NCOA7: variants seen among roughly 807,000 people sequenced by gnomAD.
NCOA7 encodes 140 kDa estrogen receptor-associated protein.
In NCOA7, 45 loss-of-function variants were observed where a neutral mutation model predicts 104.3. The observed-to-expected ratio is 0.43, with a 90% CI of 0.34 to 0.55. The LOEUF (loss-of-function observed/expected upper bound fraction) is 0.55, where lower values mean the gene tolerates loss of function less well. NCOA7 is among the 20% of genes least tolerant of loss of function. NCOA7 has a pLI of 0.02. For missense variants in NCOA7, 1,041 were observed against 1,119.7 expected (o/e 0.93, Z 1.00); for synonymous variants, 398 against 402.3 (o/e 0.99, Z 0.13).
At position 125,840,313 on chromosome 6, in the gene NCOA7, CTGAT is replaced by C. The variant is rs367994396; in HGVS notation, c.51-14706_51-14703del. On this transcript the variant is annotated intron_variant, in intron 2 of 15. Transcript: ENST00000392477. ...TAAATATCAAAAAGTTATTTAAAAA[CTGAT>C]AAAGTAAAAAAGTTATAGTAAGCTA... Among the ~76,000 whole-genome samples the C allele has an allele frequency of 2.1e-4, 32 of 152,008 alleles. No homozygotes were observed. The East Asian group carries it at 5.4e-3, about 26-fold the overall frequency.
intron 2 of NCOA7, among the ~76,000 whole-genome samples, chr6:125,820,638 A>G (rs1778094801): frequency 6.6e-6 from 1 of 151,906 alleles, no homozygotes; most frequent in Non-Finnish European, 1.5e-5. Context: ...ACAGTACCTG[A>G]TACAGTGAGT....
At chr6:125,843,227 A>G (rs1007522979) in intron 2 of NCOA7, among the ~76,000 whole-genome samples, 10 of 152,184 alleles carry the variant, frequency 6.6e-5, no homozygotes, top group African/African-American at 1.7e-4. Context: ...CAGAGAAAGC[A>G]GTGTGCCATG....
At chr6:125,832,288 C>A (rs1779255149) in intron 2 of NCOA7, among the ~76,000 whole-genome samples, 1 of 152,136 alleles carries the variant, frequency 6.6e-6, no homozygotes, top group Non-Finnish European at 1.5e-5. Flanking sequence ...TGAGTGATGG[C>A]TATAATAATT....
chr6:125,918,130 C>CT (rs1203422479), intron 11 of NCOA7, among the ~76,000 whole-genome samples: 2 of 152,120 alleles, frequency 1.3e-5, no homozygotes, highest in African/African-American at 2.4e-5. Context: ...TTAATTTTCC[C>CT]TTTTTTTGTA....
intron 6 of NCOA7, 140 bp from the exon 7 acceptor site, chr6:125,882,286 G>A: frequency 2.5e-6 from 2 of 793,540 alleles, no homozygotes; most frequent in South Asian, 3.4e-5. Flanking sequence ...TATTTTTGAA[G>A]GACAGAGGAT....
At chr6:125,902,246 C>G (rs998352910) in intron 10 of NCOA7, among the ~76,000 whole-genome samples, 2 of 152,106 alleles carry the variant, frequency 1.3e-5, no homozygotes, top group African/African-American at 4.8e-5. Context: ...GATTTTAGAT[C>G]CTCATGTAGA....
chr6:125,851,833 C>T (rs1007065061), intron 2 of NCOA7, among the ~76,000 whole-genome samples: 1 of 151,736 alleles, frequency 6.6e-6, no homozygotes, highest in African/African-American at 2.4e-5. Flanking sequence ...TTTGTATCTC[C>T]CCGATGATTC....
chr6:125,826,219 C>T lies in NCOA7; in HGVS notation c.50+10815C>T, dbSNP rs939283875. Among the ~76,000 whole-genome samples, 7 of 151,542 alleles carry T rather than the reference C, an allele frequency of 4.6e-5. No individual in the cohort carries two copies. In the East Asian group the frequency reaches 7.8e-4, roughly 17 times the overall value. On this transcript the variant is annotated intron_variant, in intron 2 of 15. Coordinates refer to ENST00000392477, the MANE Select transcript of NCOA7 (RefSeq NM_181782.5). ...GTGTGTGTCTGTAGTCCCAGCTACT[C>T]GGGAGGCTGAGGCAGGAGAATTGCT...
At chr6:125,876,521 C>T (rs1296996844) in intron 4 of NCOA7, among the ~76,000 whole-genome samples, 1 of 151,460 alleles carries the variant, frequency 6.6e-6, no homozygotes, top group African/African-American at 2.4e-5. Context: ...CACCTTTATT[C>T]ACATGCTCCT....
intron 10 of NCOA7, among the ~76,000 whole-genome samples, chr6:125,911,794 T>G (rs975886142): frequency 1.3e-5 from 2 of 152,206 alleles, no homozygotes; most frequent in Non-Finnish European, 2.9e-5. Context: ...TGGCTCGTAC[T>G]GGGGGAACCC....
At chr6:125,922,897 A>G in intron 13 of NCOA7, 63 bp downstream of exon 13, 1 of 1,494,140 alleles carries the variant, frequency 6.7e-7, no homozygotes, top group Non-Finnish European at 9.1e-7. Flanking sequence ...CCAACAGTAG[A>G]GAGACTAGTA....
intron 10 of NCOA7, among the ~76,000 whole-genome samples, chr6:125,905,436 AT>A (rs1439692045): frequency 1.3e-5 from 2 of 151,844 alleles, no homozygotes; most frequent in African/African-American, 4.8e-5. Context: ...TAATTTTTGT[AT>A]TTTTAGAAGA....
In NCOA7 at chr6:125,815,317, G is replaced by A. The variant is rs772379085; in HGVS notation, c.-38G>A. 6 of 1,516,526 alleles carry A rather than the reference G, an allele frequency of 4.0e-6. No individual in the cohort carries two copies. The highest frequency in any genetic ancestry group is 1.8e-6 in the Non-Finnish European group (2 of 1,108,250). The allele number at this position is 1,516,526 out of a possible 1,614,324, so 93.9% of individuals were successfully genotyped here. On this transcript the variant is annotated 5_prime_UTR_variant, in exon 2 of 16. Coordinates refer to ENST00000392477, the MANE Select transcript of NCOA7 (RefSeq NM_181782.5). ...GTTACGACTCACTGATTAAAAAGAG[G>A]GACTTTTTCAAATACTTTGCACTTT...
At chr6:125,784,380 A>G (rs1006140804) in intron 1 of NCOA7, among the ~76,000 whole-genome samples, 1 of 152,222 alleles carries the variant, frequency 6.6e-6, no homozygotes, top group Non-Finnish European at 1.5e-5. Context: ...ATGTATCATC[A>G]TAATAAGTTT....
intron 1 of NCOA7, among the ~76,000 whole-genome samples, chr6:125,814,617 AT>A (rs1052516038): frequency 3.3e-5 from 5 of 152,174 alleles, no homozygotes; most frequent in African/African-American, 1.2e-4. Flanking sequence ...TAAAAGTGGT[AT>A]TTGAGGAAGC....
At chr6:125,882,002 G>A (rs1231356051) in intron 6 of NCOA7, among the ~76,000 whole-genome samples, 5 of 151,830 alleles carry the variant, frequency 3.3e-5, no homozygotes, top group African/African-American at 1.2e-4. Context: ...TACAGGCACC[G>A]GCCACTATGC....
chr6:125,855,449 G>A (rs966311083), intron 3 of NCOA7: 8 of 490,304 alleles, frequency 1.6e-5, no homozygotes, highest in African/African-American at 1.5e-4. Flanking sequence ...CCAGCATTTA[G>A]CACAGTGCCC....
rs763214764 is a variant in NCOA7 at position 125,921,045 on chromosome 6, C to T, written c.2347C>T (p.Leu783=). ...TGTCCTACGGCCCCACAGCGCGCTC[C>T]TGGAGAATATGCACATCGAGCAGGT... is the stretch of plus-strand genomic sequence containing the variant. ...LPVLRPHSAL[L]ENMHIEQLAR... The change falls in exon 12 of 16, where the codon CTG becomes TTG. Residue 783 remains leucine (L), a synonymous_variant. Coordinates refer to ENST00000392477, the MANE Select transcript of NCOA7 (RefSeq NM_181782.5). 6.2e-7 allele frequency: 1 copy of T among 1,613,566 alleles called. No individual in the cohort carries two copies. The highest frequency in any genetic ancestry group is 8.5e-7 in the Non-Finnish European group (1 of 1,179,718).
At chr6:125,893,556 G>A (rs1479563994) in intron 10 of NCOA7, among the ~76,000 whole-genome samples, 1 of 151,854 alleles carries the variant, frequency 6.6e-6, no homozygotes, top group Non-Finnish European at 1.5e-5. Context: ...CTCCATCACT[G>A]AATGAATAAT....
Sources: gnomAD v4.1 joint callset for allele counts (sites outside exome capture counted in the v4.1 genomes callset) on GRCh38, gnomAD v4.1.1 for gene constraint, MANE v1.5 for transcripts, NCBI Gene and HGNC (gene_info 2026-07-23, HGNC 2026-07-21) for gene names.